The following CSF2RB variants were observed in gnomAD, a reference collection of about 807,000 sequenced individuals.
CSF2RB encodes colony stimulating factor 2 receptor subunit beta.
In CSF2RB, 22 loss-of-function variants were observed where a neutral mutation model predicts 67.2. That is an observed-to-expected ratio of 0.33 (90% confidence interval 0.23 to 0.47). The LOEUF (loss-of-function observed/expected upper bound fraction) is 0.47. CSF2RB is among the 20% of genes least tolerant of loss of function. CSF2RB has a pLI of 1.00. For missense variants in CSF2RB, 1,113 were observed against 1,174.5 expected (o/e 0.95, Z 0.76); for synonymous variants, 507 against 482.9 (o/e 1.05, Z -0.65).
At chr22:36,921,585 A>C (rs1235014952) in intron 1 of CSF2RB, among the ~76,000 whole-genome samples, 1 of 152,144 alleles carries the variant, frequency 6.6e-6, no homozygotes, top group Non-Finnish European at 1.5e-5. Context: ...CAGTGAAATG[A>C]AAGGGAGGAA....
intron 1 of CSF2RB, among the ~76,000 whole-genome samples, 170 bp downstream of exon 1, chr22:36,913,847 C>T (rs1940649846): frequency 6.6e-6 from 1 of 152,034 alleles, no homozygotes; most frequent in Non-Finnish European, 1.5e-5. Context: ...GACCTGAGCC[C>T]AGACTCCTAG....
rs1941110789 is a variant in CSF2RB, at chr22:36,929,825, C to T, written c.718+18C>T. 1 of 1,611,870 alleles carries T rather than the reference C, an allele frequency of 6.2e-7. No individual in the cohort carries two copies. Among genetic ancestry groups the T allele is most frequent in the Non-Finnish European group, 8.5e-7 (1 of 1,179,234 alleles). ...CCAGCCAGGTAATGTTGCCAGAGCC[C>T]AGGAAATGCCCCGTGGTGGGAGGGC... On this transcript the variant is annotated intron_variant, in intron 6 of 13. Transcript: ENST00000403662.
intron 3 of CSF2RB, among the ~76,000 whole-genome samples, chr22:36,924,663 C>T (rs1297598485): frequency 2.6e-5 from 4 of 152,204 alleles, no homozygotes; most frequent in Admixed American, 6.5e-5. Flanking sequence ...CTGCTCTGGT[C>T]CAAGTCAGCA....
intron 3 of CSF2RB, among the ~76,000 whole-genome samples, chr22:36,925,524 G>A (rs907043194): frequency 1.3e-5 from 2 of 152,066 alleles, no homozygotes; most frequent in African/African-American, 4.8e-5. Context: ...CCTATCACAC[G>A]CTCTACTCCC....
At position 36,938,938 on chromosome 22, in the gene CSF2RB, G is replaced by A; in HGVS notation, c.*436G>A. ...CTGGTTGTGTTGAGGACTTGTGTGG[G>A]CTGCCTGTCCCCGGCAGTCGCTGAT... On this transcript the variant is annotated 3_prime_UTR_variant, in exon 14 of 14. Coordinates refer to ENST00000403662, the MANE Select transcript of CSF2RB (RefSeq NM_000395.3). 1.7e-6 allele frequency: 1 copy of A among 597,532 alleles called. No homozygotes were observed. Among genetic ancestry groups the A allele is most frequent in the South Asian group, 2.0e-5 (1 of 50,332 alleles). 37.0% of individuals were successfully genotyped at this position (597,532 alleles called of 1,614,324 possible). A position where few individuals can be genotyped will look rare whatever the true frequency, so the allele number is the denominator to read the frequency against.
At chr22:36,923,516 C>T (rs1170095365) in intron 3 of CSF2RB, 149 bp downstream of exon 3, 1 of 1,330,168 alleles carries the variant, frequency 7.5e-7, no homozygotes, top group Non-Finnish European at 1.0e-6. Flanking sequence ...CCTGCAAGAG[C>T]TCCTGCTCCG....
At chr22:36,926,825 G>A (rs987781750) in intron 4 of CSF2RB, among the ~76,000 whole-genome samples, 8 of 152,218 alleles carry the variant, frequency 5.3e-5, no homozygotes, top group Non-Finnish European at 1.0e-4. Flanking sequence ...TCAAGGAAAT[G>A]GTTGCTTAGA....
At chr22:36,929,927 T>A (rs1287602947) in intron 6 of CSF2RB, 120 bp downstream of exon 6, 1 of 1,348,966 alleles carries the variant, frequency 7.4e-7, no homozygotes, top group Non-Finnish European at 1.0e-6. Context: ...TGCTGCCATC[T>A]TTCCAGTAGC....
In CSF2RB at chr22:36,938,111, A is replaced by C. The variant is rs1161263635; in HGVS notation, c.2303A>C (p.Glu768Ala). 10 of 1,613,792 alleles carry C rather than the reference A, an allele frequency of 6.2e-6. No individual in the cohort carries two copies. The highest frequency in any genetic ancestry group is 1.7e-4 in the Middle Eastern group (1 of 6,060). The change falls in exon 14 of 14, where the codon GAG becomes GCG. Residue 768 changes from glutamate (E) to alanine (A), a missense_variant. Physicochemically the swap from Glu to Ala is moderately radical, Grantham distance 107. Around this residue, in one of 2 missense-constraint regions of CSF2RB, gnomAD observed 554 missense variants for 517.9 expected, o/e 1.07. Coordinates refer to ENST00000403662, the MANE Select transcript of CSF2RB (RefSeq NM_000395.3). ...PVKSGFEGYV[E>A]LPPIEGRSPR... ...AAGTCAGGGTTTGAGGGCTATGTGG[A>C]GCTCCCTCCAATTGAGGGCCGGTCC...
At chr22:36,913,729 G>C (rs1940646449) in intron 1 of CSF2RB, 52 bp downstream of exon 1, 1 of 152,900 alleles carries the variant, frequency 6.5e-6, no homozygotes, top group Non-Finnish European at 1.5e-5. Context: ...AGAGCAGGGG[G>C]GAATGTGGGG....
rs746462818 is a variant in CSF2RB, at chr22:36,923,341, C to T, written c.174C>T (p.Asn58=). The change falls in exon 3 of 14, where the codon AAC becomes AAT. Residue 58 remains asparagine (N), a synonymous_variant. Transcript: ENST00000403662. ...CCCAGGATGCCCAGCGGCTCGTCAA[C>T]GTGACCCTCATTCGCCGGGTGAATG... is the stretch of plus-strand genomic sequence containing the variant. The part of the protein sequence containing the change: ...ADTQDAQRLV[N]VTLIRRVNED... The T allele has an allele frequency of 1.9e-6, 3 of 1,614,150 alleles. No individual in the cohort carries two copies. The highest frequency in any genetic ancestry group is 1.7e-5 in the Admixed American group (1 of 60,028).
At chr22:36,930,921 C>T in intron 8 of CSF2RB, 91 bp downstream of exon 8, 2 of 1,468,902 alleles carry the variant, frequency 1.4e-6, no homozygotes, top group Non-Finnish European at 1.9e-6. Flanking sequence ...CCTCCTGGCC[C>T]CGTCTTCATG....
chr22:36,918,563 A>T (rs576591595), intron 1 of CSF2RB, among the ~76,000 whole-genome samples: 48 of 152,338 alleles, frequency 3.2e-4, no homozygotes, highest in African/African-American at 1.1e-3. Flanking sequence ...TCATCGTAGT[A>T]GCCTCCCCCC....
chr22:36,915,693 T>C lies in CSF2RB; in HGVS notation c.-173+2016T>C, dbSNP rs117652569. 7.6e-3 allele frequency among the ~76,000 whole-genome samples: 1,152 copies of C among 152,328 alleles called. 7 individuals are homozygous for C. The highest frequency in any genetic ancestry group is 0.01 in the Admixed American group (158 of 15,298). On this transcript the variant is annotated intron_variant, in intron 1 of 13. Transcript: ENST00000403662. Reference sequence around the variant, plus strand: ...TGCAGAGGTTGTGCGTTAGAAATTATAATAGGTATTGTCAAATCAGCCTCA... The same window carrying C: ...TGCAGAGGTTGTGCGTTAGAAATTACAATAGGTATTGTCAAATCAGCCTCA...
Position 36,932,787 on chromosome 22 carries a change from C to T in CSF2RB, c.1035C>T (p.Leu345=). 1 of 1,613,934 alleles carries T rather than the reference C, an allele frequency of 6.2e-7. No individual in the cohort carries two copies. Residue 345 remains leucine (L), a synonymous_variant, in exon 9 of 14, where the codon CTC becomes CTT. Coordinates refer to ENST00000403662, the MANE Select transcript of CSF2RB (RefSeq NM_000395.3). ...CAGTCCAGATGGCCCCTCCATCCCT[C>T]AACGTGACCAAGGATGGAGACAGCT... The part of the protein sequence containing the change: ...SVNIQMAPPS[L]NVTKDGDSYS...
At position 36,937,908 on chromosome 22, in the gene CSF2RB, G is replaced by A; in HGVS notation, c.2100G>A (p.Gly700=). ...DSPVAIPMSS[G]DTEDPGVASG... is the part of the protein sequence containing the mutation. Reference sequence around the variant, plus strand: ...CTGTGGCTATACCCATGAGCTCTGGGGACACTGAGGACCCTGGAGTGGCCT... The same window carrying A: ...CTGTGGCTATACCCATGAGCTCTGGAGACACTGAGGACCCTGGAGTGGCCT... The change falls in exon 14 of 14, where the codon GGG becomes GGA. Residue 700 remains glycine (G), a synonymous_variant. Transcript: ENST00000403662. This position sits in a 1 kb window ranked among gnomAD's most constrained non-coding sequence, Gnocchi z 4.6. The A allele has an allele frequency of 6.2e-7, 1 of 1,614,112 alleles. No individual in the cohort carries two copies. The highest frequency in any genetic ancestry group is 8.5e-7 in the Non-Finnish European group (1 of 1,180,002).
Position 36,922,437 on chromosome 22 carries a change from G to A in CSF2RB, c.76+154G>A, listed in dbSNP as rs116536124. On this transcript the variant is annotated intron_variant, in intron 2 of 13. Transcript: ENST00000403662. ...CCCTGGCCTTCCCTGGGCCTCCCCC[G>A]CTTCCCTCCTCCTGCACATTCCTGC... is the stretch of plus-strand genomic sequence containing the variant. Among the ~76,000 whole-genome samples the A allele has an allele frequency of 0.022, 3,364 of 151,980 alleles. 74 individuals are homozygous for A. The highest frequency in any genetic ancestry group is 0.071 in the Middle Eastern group (21 of 294).
Position 36,922,148 on chromosome 22 carries a change from C to A in CSF2RB, c.-60C>A. The A allele has an allele frequency of 6.8e-7, 1 of 1,470,258 alleles. No homozygotes were observed. Among genetic ancestry groups the A allele is most frequent in the South Asian group, 1.2e-5 (1 of 82,420 alleles). The allele number at this position is 1,470,258 out of a possible 1,614,324, so 91.1% of individuals were successfully genotyped here. ...GACTTCAGGACACTAAGGACCCTGT[C>A]ATGCCCATGGCCAGCACCCACCAGT... On this transcript the variant is annotated 5_prime_UTR_variant, in exon 2 of 14. Coordinates refer to ENST00000403662, the MANE Select transcript of CSF2RB (RefSeq NM_000395.3).
chr22:36,928,925 G>A (rs1336402844), intron 4 of CSF2RB, among the ~76,000 whole-genome samples: 1 of 152,186 alleles, frequency 6.6e-6, no homozygotes, highest in African/African-American at 2.4e-5. Flanking sequence ...AAGGAATGAG[G>A]GATTCCGCCT....
Sources: gnomAD v4.1 joint callset for allele counts (sites outside exome capture counted in the v4.1 genomes callset) on GRCh38, gnomAD v4.1.1 for gene constraint, gnomAD v4.1.1 regional missense constraint, Gnocchi (gnomAD v3.1) non-coding constraint, MANE v1.5 for transcripts, NCBI Gene and HGNC (gene_info 2026-07-23, HGNC 2026-07-21) for gene names.